Variants in STARD9 observed in about 807,000 individuals in gnomAD.
The protein encoded by STARD9 is StAR related lipid transfer domain containing 9.
In STARD9, 346 loss-of-function variants were observed where a neutral mutation model predicts 399.8. That is an observed-to-expected ratio of 0.87 (90% CI 0.79 to 0.95). The LOEUF is 0.95. STARD9 is among the 40% of genes least tolerant of loss of function. The probability of loss-of-function intolerance (pLI) is 0.00; values close to 1 mark genes in which losing one functional copy is unlikely to be tolerated. For missense variants in STARD9, 5,832 were observed against 5,667.5 expected (o/e 1.03, Z -0.93); for synonymous variants, 2,203 against 2,143.5 (o/e 1.03, Z -0.77).
chr15:42,667,484 A>G (rs2060125692), intron 15 of STARD9, among the ~76,000 whole-genome samples: 1 of 146,096 alleles, frequency 6.8e-6, no homozygotes, highest in Non-Finnish European at 1.5e-5. Context: ...CACTTGGCCT[A>G]TTTTTTATTA....
intron 3 of STARD9, among the ~76,000 whole-genome samples, chr15:42,602,548 T>C (rs920805781): frequency 1.3e-5 from 2 of 152,226 alleles, no homozygotes; most frequent in South Asian, 2.1e-4. Context: ...CAGAATCTCC[T>C]TGGGTGCAAA....
chr15:42,640,817 T>TAAA (rs2059519899), intron 7 of STARD9, among the ~76,000 whole-genome samples: 1 of 5,246 alleles, frequency 1.9e-4, no homozygotes, highest in Non-Finnish European at 5.1e-4. Context: ...AGACTCCGTC[T>TAAA]CAAAAAAAAA....
Position 42,689,236 on chromosome 15 carries a change from A to G in STARD9, c.7658A>G (p.Glu2553Gly). 2 of 1,537,232 alleles carry G rather than the reference A, an allele frequency of 1.3e-6. No homozygotes were observed. The highest frequency in any genetic ancestry group is 1.7e-6 in the Non-Finnish European group (2 of 1,146,918). ...DHASMCLAIL[E>G]EIRQAKAQRK... Reference sequence around the variant, plus strand: ...GCATCCATGTGCCTGGCCATCTTGGAGGAGATCAGACAGGCAAAGGCCCAG... The same window carrying G: ...GCATCCATGTGCCTGGCCATCTTGGGGGAGATCAGACAGGCAAAGGCCCAG... The change falls in exon 23 of 33, where the codon GAG becomes GGG. Residue 2553 changes from glutamate (E) to glycine (G), a missense_variant. Transcript: ENST00000290607.
At position 42,688,144 on chromosome 15, in the gene STARD9, C is replaced by G; in HGVS notation, c.6566C>G (p.Thr2189Ser). ...TGTGATTCTTTAGGGAAACACACAACTTGCAGAGAGTTCACCAACACTTCT... is the reference window on the plus strand; with the variant it reads ...TGTGATTCTTTAGGGAAACACACAAGTTGCAGAGAGTTCACCAACACTTCT... ...DICDSLGKHTTCREFTNTSLH... is the reference protein window; with the variant it reads ...DICDSLGKHTSCREFTNTSLH... Residue 2189 changes from threonine to serine, a missense_variant, in exon 23 of 33, where the codon ACT becomes AGT. Thr to Ser is a moderately conservative substitution (Grantham distance 58, BLOSUM62 1). Coordinates refer to ENST00000290607, the MANE Select transcript of STARD9 (RefSeq NM_020759.3). The G allele has an allele frequency of 6.5e-7, 1 of 1,537,350 alleles. No homozygotes were observed. The highest frequency in any genetic ancestry group is 8.7e-7 in the Non-Finnish European group (1 of 1,146,936).
chr15:42,689,055 T>C lies in STARD9; in HGVS notation c.7477T>C (p.Ser2493Pro), dbSNP rs1269234016. ...SSQPEKRVSFSLEEDSDQASK... is the reference protein window; with the variant it reads ...SSQPEKRVSFPLEEDSDQASK... ...CCAGCCTGAAAAGAGGGTCAGCTTCTCCTTGGAAGAGGATAGTGACCAAGC... is the reference window on the plus strand; with the variant it reads ...CCAGCCTGAAAAGAGGGTCAGCTTCCCCTTGGAAGAGGATAGTGACCAAGC... Residue 2493 changes from serine to proline, a missense_variant, in exon 23 of 33, where the codon TCC becomes CCC. Ser to Pro is a moderately conservative substitution (Grantham distance 74). Transcript: ENST00000290607. 4.6e-6 allele frequency: 7 copies of C among 1,537,128 alleles called. No homozygotes were observed. The Admixed American group carries it at 1.2e-4, about 26-fold the overall frequency.
At chr15:42,694,762 T>C (rs2060803450) in intron 24 of STARD9, 37 bp downstream of exon 24, 1 of 1,517,416 alleles carries the variant, frequency 6.6e-7, no homozygotes, top group African/African-American at 1.4e-5. Context: ...GAGCAGGCTC[T>C]GTTGGGGGAG....
intron 26 of STARD9, among the ~76,000 whole-genome samples, chr15:42,701,438 G>A (rs558049666): frequency 5.9e-5 from 9 of 152,134 alleles, no homozygotes; most frequent in South Asian, 4.1e-4. Context: ...TACGGTTTTC[G>A]TTGTAGAGAT....
Position 42,718,844 on chromosome 15 carries a change from T to C in STARD9, c.13935T>C (p.Ser4645=). ...RKMVRGEILP[S]AWILQPITVE... ...TGGTTCGCGGGGAGATCCTGCCCAG[T>C]GCCTGGATCTTGCAGCCCATCACTG... Residue 4645 remains serine (S), a synonymous_variant, in exon 32 of 33, where the codon AGT becomes AGC. Transcript: ENST00000290607. 1 of 1,537,090 alleles carries C rather than the reference T, an allele frequency of 6.5e-7. No homozygotes were observed. The highest frequency in any genetic ancestry group is 8.7e-7 in the Non-Finnish European group (1 of 1,146,766).
At chr15:42,640,683 G>T (rs113815063) in intron 7 of STARD9, among the ~76,000 whole-genome samples, 29 of 151,994 alleles carry the variant, frequency 1.9e-4, no homozygotes, top group African/African-American at 6.8e-4. Flanking sequence ...TTAGCCGGGC[G>T]TGTGGCACAC....
Position 42,685,246 on chromosome 15 carries a change from T to C in STARD9, c.3668T>C (p.Phe1223Ser), listed in dbSNP as rs2060522336. The C allele has an allele frequency of 6.5e-7, 1 of 1,537,310 alleles. No individual in the cohort carries two copies. Among genetic ancestry groups the C allele is most frequent in the African/African-American group, 1.4e-5 (1 of 73,084 alleles). ...ELGEDQQEEP[F>S]PGSADEIPTE... is the part of the protein sequence containing the mutation. ...GGGGAAGATCAGCAAGAAGAACCTT[T>C]CCCTGGTTCAGCTGACGAGATACCC... Residue 1223 changes from phenylalanine (F) to serine (S), a missense_variant, in exon 23 of 33, where the codon TTC becomes TCC. Physicochemically the swap from Phe to Ser is radical, Grantham distance 155. Coordinates refer to ENST00000290607, the MANE Select transcript of STARD9 (RefSeq NM_020759.3).
intron 3 of STARD9, among the ~76,000 whole-genome samples, chr15:42,587,582 G>C (rs1433032976): frequency 1.3e-5 from 2 of 151,972 alleles, no homozygotes; most frequent in African/African-American, 4.8e-5. Context: ...TTATTTTTTG[G>C]GGGGATGGAG....
rs532800789 is a variant in STARD9, at chr15:42,674,340, A to C, written c.1498-100A>C. The C allele has an allele frequency of 6.2e-6, 6 of 962,000 alleles. No homozygotes were observed. In the African/African-American group the frequency reaches 9.7e-5, roughly 16 times the overall value. The allele number at this position is 962,000 out of a possible 1,614,324, so 59.6% of individuals were successfully genotyped here. A position where few individuals can be genotyped will look rare whatever the true frequency, so the allele number is the denominator to read the frequency against. On this transcript the variant is annotated intron_variant, in intron 16 of 32. Coordinates refer to ENST00000290607, the MANE Select transcript of STARD9 (RefSeq NM_020759.3). Reference sequence around the variant, plus strand: ...GATGGGATGAGAAGTGGTACAGATGAGGCTGGGAAGACAGTGAGAATATTC... The same window carrying C: ...GATGGGATGAGAAGTGGTACAGATGCGGCTGGGAAGACAGTGAGAATATTC...
intron 26 of STARD9, among the ~76,000 whole-genome samples, chr15:42,707,198 A>G (rs1192180816): frequency 5.3e-5 from 8 of 152,240 alleles, no homozygotes; most frequent in Non-Finnish European, 1.2e-4. Context: ...AGGAAGCCAG[A>G]TGATGCCAGA....
At chr15:42,705,201 A>G (rs1228202458) in intron 26 of STARD9, among the ~76,000 whole-genome samples, 1 of 152,092 alleles carries the variant, frequency 6.6e-6, no homozygotes, top group African/African-American at 2.4e-5. Flanking sequence ...TCTCATCACT[A>G]CCTAGGGTTG....
At chr15:42,595,812 AGCT>A in intron 3 of STARD9, among the ~76,000 whole-genome samples, 1 of 152,322 alleles carries the variant, frequency 6.6e-6, no homozygotes, top group South Asian at 2.1e-4. Context: ...GGCTCTGCAG[AGCT>A]GAGTGGAAGA....
chr15:42,685,060 A>T lies in STARD9; in HGVS notation c.3482A>T (p.Asn1161Ile), dbSNP rs2060517702. 1 of 1,537,128 alleles carries T rather than the reference A, an allele frequency of 6.5e-7. No individual in the cohort carries two copies. The highest frequency in any genetic ancestry group is 1.4e-5 in the African/African-American group (1 of 73,122). The change falls in exon 23 of 33, where the codon AAC becomes ATC. Residue 1161 changes from asparagine (N) to isoleucine (I), a missense_variant. Asn to Ile is a moderately radical substitution (Grantham distance 149, BLOSUM62 -3). Transcript: ENST00000290607. ...LAEKRYQSPKNRLGGNRPTNN... is the reference protein window; with the variant it reads ...LAEKRYQSPKIRLGGNRPTNN... ...GAGAAGAGGTACCAAAGCCCCAAAA[A>T]CAGGCTAGGGGGCAATCGTCCCACC...
At chr15:42,614,929 C>T (rs1371552710) in intron 3 of STARD9, among the ~76,000 whole-genome samples, 1 of 151,922 alleles carries the variant, frequency 6.6e-6, no homozygotes, top group Non-Finnish European at 1.5e-5. Flanking sequence ...CGTGTCACTG[C>T]ACTCCAGCCT....
chr15:42,703,834 T>C (rs1289663612), intron 26 of STARD9, among the ~76,000 whole-genome samples: 1 of 152,152 alleles, frequency 6.6e-6, no homozygotes, highest in Non-Finnish European at 1.5e-5. Context: ...AGCATTTTAA[T>C]GCATTTTTGT....
Position 42,639,934 on chromosome 15 carries a change from T to G in STARD9, c.559+1122T>G, listed in dbSNP as rs565880493. Reference sequence around the variant, plus strand: ...ATGCTAGTTTATTTTTTATTTTTATTTTTTTAGCCACAAGGTCTTATTCTG... The same window carrying G: ...ATGCTAGTTTATTTTTTATTTTTATGTTTTTAGCCACAAGGTCTTATTCTG... On this transcript the variant is annotated intron_variant, in intron 7 of 32. Transcript: ENST00000290607. Among the ~76,000 whole-genome samples, 167 of 152,336 alleles carry G rather than the reference T, an allele frequency of 1.1e-3. 1 individual carries two copies. The highest frequency in any genetic ancestry group is 3.9e-3 in the African/African-American group (161 of 41,566).
Sources: gnomAD v4.1 joint callset for allele counts (sites outside exome capture counted in the v4.1 genomes callset) on GRCh38, gnomAD v4.1.1 for gene constraint, MANE v1.5 for transcripts, NCBI Gene and HGNC (gene_info 2026-07-23, HGNC 2026-07-21) for gene names.